The following FLNB variants were observed in gnomAD, a reference collection of about 807,000 sequenced individuals.
FLNB encodes the protein filamin B.
In FLNB, 111 loss-of-function variants were observed where a neutral mutation model predicts 250.6. The observed-to-expected ratio is 0.44, with a 90% CI of 0.38 to 0.52. FLNB has a LOEUF of 0.52. FLNB is among the 20% of genes least tolerant of loss of function. The pLI is 0.00. For missense variants in FLNB, 2,869 were observed against 3,447.8 expected, an observed-to-expected ratio of 0.83 and a Z score of 4.20; for synonymous variants, 1,302 against 1,372.1, an observed-to-expected ratio of 0.95 and a Z score of 1.13.
chr3:58,169,537 G>C lies in FLNB; in HGVS notation c.7418-53G>C. The C allele has an allele frequency of 6.9e-7, 1 of 1,447,704 alleles. No homozygotes were observed. The highest frequency in any genetic ancestry group is 9.7e-7 in the Non-Finnish European group (1 of 1,028,250). The allele number at this position is 1,447,704 out of a possible 1,614,324, so 89.7% of individuals were successfully genotyped here. On this transcript the variant is annotated intron_variant, in intron 44 of 45. Transcript: ENST00000295956. This position sits in a 1 kb window ranked among gnomAD's most constrained non-coding sequence, Gnocchi z 4.8. The stretch of plus-strand genomic sequence containing the variant: ...GTACTCGCCTGTCCTCTGGCTGAGA[G>C]ACCCCTCTTGATCTGGCCATTCATG...
intron 4 of FLNB, among the ~76,000 whole-genome samples, chr3:58,091,993 A>C (rs1157396179): frequency 1.3e-5 from 2 of 152,258 alleles, no homozygotes. Flanking sequence ...CCAACAGAAC[A>C]CTAGTATCTA....
In FLNB at chr3:58,104,995, A is replaced by C; in HGVS notation, c.1611-85A>C. ...ATGAAAGGATCAGGCAAGTGGAAAGAATGTGCAAAGGAACTGCAGCTTATG... is the reference window on the plus strand; with the variant it reads ...ATGAAAGGATCAGGCAAGTGGAAAGCATGTGCAAAGGAACTGCAGCTTATG... On this transcript the variant is annotated intron_variant, in intron 10 of 45. Transcript: ENST00000295956. The C allele has an allele frequency of 3.8e-6, 6 of 1,572,774 alleles. No homozygotes were observed. In the South Asian group the frequency reaches 6.7e-5, roughly 17 times the overall value.
Position 58,104,045 on chromosome 3 carries a change from A to C in FLNB, c.1570A>C (p.Ser524Arg). 2.5e-6 allele frequency: 4 copies of C among 1,614,046 alleles called. No homozygotes were observed. In the South Asian group the frequency reaches 4.4e-5, roughly 18 times the overall value. ...TTACCCCAGCACCCCGGGGAGATAC[A>C]GCATTGCCATCACATGGGGGGGACA... The part of the protein sequence containing the change: ...EYYPSTPGRY[S>R]IAITWGGHHI... Residue 524 changes from serine to arginine, a missense_variant, in exon 10 of 46, where the codon AGC becomes CGC. Around this residue, in one of 5 missense-constraint regions of FLNB, gnomAD observed 1,348 missense variants for 1,466.7 expected, o/e 0.92. Transcript: ENST00000295956.
At chr3:58,114,230 C>T (rs1166378186) in intron 18 of FLNB, among the ~76,000 whole-genome samples, 4 of 152,132 alleles carry the variant, frequency 2.6e-5, no homozygotes, top group South Asian at 2.1e-4. Flanking sequence ...CTCAGCCTAC[C>T]GAGTAGCTGG....
intron 17 of FLNB, 112 bp from the exon 18 acceptor site, chr3:58,112,037 C>A: frequency 8.2e-7 from 1 of 1,213,808 alleles, no homozygotes. Flanking sequence ...GCTGGCCAGG[C>A]CCGTTGCTGG....
At chr3:58,010,533 T>C (rs925345830) in intron 1 of FLNB, among the ~76,000 whole-genome samples, 1 of 152,168 alleles carries the variant, frequency 6.6e-6, no homozygotes, top group African/African-American at 2.4e-5. Context: ...CCATCTCCTG[T>C]ACTGGGGAGG....
At chr3:58,036,565 A>G (rs1165389559) in intron 1 of FLNB, among the ~76,000 whole-genome samples, 1 of 152,206 alleles carries the variant, frequency 6.6e-6, no homozygotes, top group Non-Finnish European at 1.5e-5. Flanking sequence ...TCTGCAAACT[A>G]TCTCAAGCAC....
chr3:58,158,543 T>C lies in FLNB; in HGVS notation c.6889-1011T>C, dbSNP rs553590152. On this transcript the variant is annotated intron_variant, in intron 41 of 45. Coordinates refer to ENST00000295956, the MANE Select transcript of FLNB (RefSeq NM_001457.4). Reference sequence around the variant, plus strand: ...GATCCCCAGATGGTTTGCTTACACATTAAGTGTGAGCCATGCTGCTTCAGA... The same window carrying C: ...GATCCCCAGATGGTTTGCTTACACACTAAGTGTGAGCCATGCTGCTTCAGA... Among the ~76,000 whole-genome samples, 5 of 152,316 alleles carry C rather than the reference T, an allele frequency of 3.3e-5. 1 individual carries two copies. Among genetic ancestry groups the C allele is most frequent in the South Asian group, 4.1e-4 (2 of 4,830 alleles).
At position 58,164,078 on chromosome 3, in the gene FLNB, TG is replaced by T. The variant is rs1256940855; in HGVS notation, c.7198+750del. On this transcript the variant is annotated intron_variant, in intron 43 of 45. Coordinates refer to ENST00000295956, the MANE Select transcript of FLNB (RefSeq NM_001457.4). This position sits in a 1 kb window ranked among gnomAD's most constrained non-coding sequence, Gnocchi z 4.0. Reference sequence around the variant, plus strand: ...TTGGTTGCTGGGTTGGTTAGCTAATTGGTTCATTAGACAAGCAGACACAGAG... The same window carrying T: ...TTGGTTGCTGGGTTGGTTAGCTAATTGTTCATTAGACAAGCAGACACAGAG... The T allele has an allele frequency of 3.2e-4, 49 of 152,380 alleles. No individual in the cohort carries two copies. The highest frequency in any genetic ancestry group is 1.1e-3 in the African/African-American group (46 of 41,456). The allele number at this position is 152,380 out of a possible 1,614,324, so 9.4% of individuals were successfully genotyped here.
At chr3:58,043,875 A>T (rs2097149741) in intron 1 of FLNB, among the ~76,000 whole-genome samples, 1 of 152,294 alleles carries the variant, frequency 6.6e-6, no homozygotes, top group Non-Finnish European at 1.5e-5. Flanking sequence ...GATCCCTATA[A>T]TGAACCACGG....
intron 1 of FLNB, among the ~76,000 whole-genome samples, chr3:58,029,894 G>T (rs998524730): frequency 4.6e-5 from 7 of 152,186 alleles, no homozygotes; most frequent in African/African-American, 1.4e-4. Flanking sequence ...TGAGGCCTCC[G>T]TCCTCACTGC....
chr3:58,045,226 TA>T (rs1163441731), intron 1 of FLNB, among the ~76,000 whole-genome samples: 3 of 152,226 alleles, frequency 2.0e-5, no homozygotes, highest in African/African-American at 7.2e-5. Context: ...AATGGAATCC[TA>T]AAAGTTTGTT....
rs2097093763 is a variant in FLNB, at chr3:58,008,615, C to T, written c.51C>T (p.Ile17=). Residue 17 remains isoleucine (I), a synonymous_variant, in exon 1 of 46, where the codon ATC becomes ATT. Transcript: ENST00000295956. ...DLAEDAPWKK[I]QQNTFTRWCN... The stretch of plus-strand genomic sequence containing the variant: ...CTGAGGACGCGCCTTGGAAGAAGAT[C>T]CAGCAGAACACGTTCACACGCTGGT... 6.2e-7 allele frequency: 1 copy of T among 1,613,044 alleles called. No individual in the cohort carries two copies. The highest frequency in any genetic ancestry group is 1.3e-5 in the African/African-American group (1 of 74,896).
chr3:58,080,732 T>G (rs890162348), intron 3 of FLNB, among the ~76,000 whole-genome samples: 3 of 147,562 alleles, frequency 2.0e-5, no homozygotes, highest in Admixed American at 6.8e-5. Flanking sequence ...GACCTCGTGA[T>G]CCACCCACCT....
rs1576603898 is a variant in FLNB at position 58,028,164 on chromosome 3, G to A, written c.292+19308G>A. Among the ~76,000 whole-genome samples the A allele has an allele frequency of 4.6e-5, 7 of 152,280 alleles. 1 individual carries two copies. The highest frequency in any genetic ancestry group is 4.6e-4 in the Admixed American group (7 of 15,296). On this transcript the variant is annotated intron_variant, in intron 1 of 45. Coordinates refer to ENST00000295956, the MANE Select transcript of FLNB (RefSeq NM_001457.4). ...ATAGATGCTTTGTTTGGATACTTAT[G>A]CAGCCATTACCATGTGCCAGGGGTG...
intron 29 of FLNB, among the ~76,000 whole-genome samples, chr3:58,140,173 GTT>G (rs2097324375): frequency 6.6e-6 from 1 of 152,122 alleles, no homozygotes; most frequent in Non-Finnish European, 1.5e-5. Flanking sequence ...CCCTCTATAA[GTT>G]TGACGCCAAA....
Position 58,148,246 on chromosome 3 carries a change from C to T in FLNB, c.5769C>T (p.Ala1923=), listed in dbSNP as rs201723447. Residue 1923 remains alanine (A), a synonymous_variant, in exon 35 of 46, where the codon GCC becomes GCT. Coordinates refer to ENST00000295956, the MANE Select transcript of FLNB (RefSeq NM_001457.4). The part of the protein sequence containing the change: ...RRCSQVKLGS[A]ADFLLDISET... ...GCTCCCAGGTGAAGTTGGGCTCAGCCGCTGACTTCCTGCTCGACATCAGTG... is the reference window on the plus strand; with the variant it reads ...GCTCCCAGGTGAAGTTGGGCTCAGCTGCTGACTTCCTGCTCGACATCAGTG... The T allele has an allele frequency of 4.3e-4, 690 of 1,614,206 alleles. 4 individuals are homozygous for T. The highest frequency in any genetic ancestry group is 3.7e-3 in the South Asian group (337 of 91,088).
intron 1 of FLNB, among the ~76,000 whole-genome samples, chr3:58,061,091 A>G (rs1037641121): frequency 1.6e-4 from 24 of 152,298 alleles, no homozygotes; most frequent in African/African-American, 5.1e-4. Context: ...ACATTGCACT[A>G]GCGATTTAAA....
intron 1 of FLNB, 57 bp from the exon 2 acceptor site, chr3:58,076,989 C>G: frequency 1.3e-6 from 2 of 1,591,442 alleles, no homozygotes; most frequent in Non-Finnish European, 1.7e-6. Flanking sequence ...ATATAAGGAG[C>G]ATAATTTACA....
Sources: gnomAD v4.1 joint callset for allele counts (sites outside exome capture counted in the v4.1 genomes callset) on GRCh38, gnomAD v4.1.1 for gene constraint, gnomAD v4.1.1 regional missense constraint, Gnocchi (gnomAD v3.1) non-coding constraint, MANE v1.5 for transcripts, NCBI Gene and HGNC (gene_info 2026-07-23, HGNC 2026-07-21) for gene names.